The following EXOC6B variants were observed in gnomAD, a reference collection of about 807,000 sequenced individuals.
EXOC6B encodes the protein SEC15 homolog B.
EXOC6B carries 54 observed loss-of-function variants against 113.5 expected under a neutral mutation model. The observed-to-expected ratio is 0.48, with a 90% CI of 0.38 to 0.60. The LOEUF (loss-of-function observed/expected upper bound fraction) is 0.60, where lower values mean the gene tolerates loss of function less well. Ranked by LOEUF, EXOC6B falls within the 20% of genes least tolerant of loss-of-function variation. The probability of loss-of-function intolerance (pLI) is 0.00; values close to 1 mark genes in which losing one functional copy is unlikely to be tolerated. For synonymous variants in EXOC6B, 357 were observed against 339.0 expected (o/e 1.05, Z -0.58); for missense variants, 797 against 977.5 (o/e 0.82, Z 2.46).
rs1414106982 is a variant in EXOC6B, at chr2:72,508,896, C to G, written c.1167+4236G>C. ...GGAGCGAGAATTCAAATCATATGAC[C>G]TAGAAATAAACCTGAGTGTATACAT... On this transcript the variant is annotated intron_variant, in intron 11 of 21. Transcript: ENST00000272427. 2.6e-5 allele frequency among the ~76,000 whole-genome samples: 4 copies of G among 152,054 alleles called. No individual in the cohort carries two copies. The East Asian group carries it at 7.7e-4, about 29-fold the overall frequency.
chr2:72,216,292 CAT>C (rs1296279363), intron 20 of EXOC6B, among the ~76,000 whole-genome samples: 6 of 152,110 alleles, frequency 3.9e-5, no homozygotes, highest in African/African-American at 1.4e-4. Flanking sequence ...ATCTGACAAA[CAT>C]ATGAAAAAAA....
chr2:72,295,799 CCTTT>C (rs1686094991), intron 20 of EXOC6B, among the ~76,000 whole-genome samples: 2 of 152,092 alleles, frequency 1.3e-5, no homozygotes. Context: ...ATTTTAAACT[CCTTT>C]CTAATATATT....
intron 1 of EXOC6B, among the ~76,000 whole-genome samples, chr2:72,781,021 C>T (rs899406099): frequency 6.6e-6 from 1 of 152,108 alleles, no homozygotes; most frequent in Admixed American, 6.6e-5. Context: ...ACTCCCAATG[C>T]TCCTATTAAT....
intron 20 of EXOC6B, among the ~76,000 whole-genome samples, chr2:72,328,801 T>C (rs536332106): frequency 9.2e-5 from 14 of 152,234 alleles, no homozygotes; most frequent in African/African-American, 3.1e-4. Flanking sequence ...CCTCCTCATA[T>C]ATACATGCTA....
At chr2:72,282,060 A>G (rs1348953913) in intron 20 of EXOC6B, among the ~76,000 whole-genome samples, 2 of 152,132 alleles carry the variant, frequency 1.3e-5, no homozygotes, top group Non-Finnish European at 2.9e-5. Context: ...TCAATAATGA[A>G]GCCCTCCTCA....
intron 6 of EXOC6B, among the ~76,000 whole-genome samples, chr2:72,586,802 T>C (rs1705616089): frequency 6.6e-6 from 1 of 150,472 alleles, no homozygotes; most frequent in South Asian, 2.1e-4. Flanking sequence ...CAAACAAAAA[T>C]ACGAAAAAAT....
chr2:72,372,096 T>C (rs1335445467), intron 19 of EXOC6B, among the ~76,000 whole-genome samples: 6 of 152,026 alleles, frequency 3.9e-5, no homozygotes, highest in Non-Finnish European at 5.9e-5. Context: ...AGTAAATACC[T>C]AGGAATTTAC....
chr2:72,183,682 G>A (rs1422542937), intron 21 of EXOC6B, among the ~76,000 whole-genome samples: 1 of 152,060 alleles, frequency 6.6e-6, no homozygotes, highest in East Asian at 1.9e-4. Context: ...CTGTGGAGTT[G>A]CACTATCCAT....
At chr2:72,350,140 C>T (rs1689568993) in intron 19 of EXOC6B, among the ~76,000 whole-genome samples, 1 of 152,086 alleles carries the variant, frequency 6.6e-6, no homozygotes, top group Non-Finnish European at 1.5e-5. Flanking sequence ...TAACAATATG[C>T]ATTTTTATCT....
At chr2:72,635,914 G>A (rs1249628752) in intron 6 of EXOC6B, among the ~76,000 whole-genome samples, 2 of 152,138 alleles carry the variant, frequency 1.3e-5, no homozygotes, top group Non-Finnish European at 2.9e-5. Flanking sequence ...ATAAATTAAT[G>A]TGATACATCA....
At chr2:72,502,438 C>T (rs1311573106) in intron 11 of EXOC6B, among the ~76,000 whole-genome samples, 1 of 152,172 alleles carries the variant, frequency 6.6e-6, no homozygotes, top group Non-Finnish European at 1.5e-5. Flanking sequence ...GTCCCAGCTA[C>T]TCATGAGGCT....
intron 20 of EXOC6B, among the ~76,000 whole-genome samples, chr2:72,189,404 T>C (rs1678666476): frequency 6.6e-6 from 1 of 152,200 alleles, no homozygotes; most frequent in Non-Finnish European, 1.5e-5. Flanking sequence ...TCTGGAGGCA[T>C]ACAAATGCTC....
At chr2:72,728,492 A>G (rs1680446996) in intron 5 of EXOC6B, among the ~76,000 whole-genome samples, 1 of 152,216 alleles carries the variant, frequency 6.6e-6, no homozygotes, top group Non-Finnish European at 1.5e-5. Context: ...CAGTAAGGAT[A>G]GTTATAGTAA....
intron 21 of EXOC6B, chr2:72,182,995 A>T (rs1678188602): frequency 1.1e-6 from 1 of 909,278 alleles, no homozygotes; most frequent in South Asian, 5.7e-5. Context: ...AGAAAACTGC[A>T]GTCTGAGTTT....
At chr2:72,445,673 T>C (rs1374193571) in intron 18 of EXOC6B, among the ~76,000 whole-genome samples, 2 of 152,096 alleles carry the variant, frequency 1.3e-5, no homozygotes, top group Non-Finnish European at 2.9e-5. Flanking sequence ...TCAGATCTCA[T>C]GAGACTTATT....
intron 20 of EXOC6B, among the ~76,000 whole-genome samples, chr2:72,261,431 A>C (rs1683708904): frequency 6.6e-6 from 1 of 152,210 alleles, no homozygotes; most frequent in Non-Finnish European, 1.5e-5. Context: ...GGCTGGAAGG[A>C]GTTTGGGTTT....
At chr2:72,607,430 C>A (rs946662844) in intron 6 of EXOC6B, among the ~76,000 whole-genome samples, 1 of 152,080 alleles carries the variant, frequency 6.6e-6, no homozygotes, top group Non-Finnish European at 1.5e-5. Context: ...ATACATTATA[C>A]AGTCTGTGGT....
At chr2:72,217,286 C>T (rs1274841003) in intron 20 of EXOC6B, among the ~76,000 whole-genome samples, 3 of 152,104 alleles carry the variant, frequency 2.0e-5, no homozygotes, top group African/African-American at 7.2e-5. Context: ...CACAATCCCT[C>T]CCTCTTAGCT....
At chr2:72,186,176 T>G (rs1267229696) in intron 20 of EXOC6B, among the ~76,000 whole-genome samples, 2 of 152,248 alleles carry the variant, frequency 1.3e-5, no homozygotes, top group African/African-American at 4.8e-5. Context: ...TCCAAGTCTT[T>G]GCTATTGTGA....
Sources: gnomAD v4.1 joint callset for allele counts (sites outside exome capture counted in the v4.1 genomes callset) on GRCh38, gnomAD v4.1.1 for gene constraint, MANE v1.5 for transcripts, NCBI Gene and HGNC (gene_info 2026-07-23, HGNC 2026-07-21) for gene names.